Variants in TMEM273 observed in about 807,000 individuals in gnomAD.
TMEM273 encodes the protein transmembrane protein 273, also known as chromosome 10 open reading frame 128.
A neutral mutation model predicts 17.9 loss-of-function variants in TMEM273; 19 were observed. That is an observed-to-expected ratio of 1.06 (90% CI 0.74 to 1.55). The LOEUF (loss-of-function observed/expected upper bound fraction) is 1.55, where lower values mean the gene tolerates loss of function less well. TMEM273 is among the 40% of genes most tolerant of loss of function. TMEM273 has a pLI of 0.00. For synonymous variants in TMEM273, 66 were observed against 62.0 expected (o/e 1.07, Z -0.31); for missense variants, 194 against 155.6 (o/e 1.25, Z -1.31).
intron 6 of TMEM273, chr10:49,161,227 A>G (rs1684146209): frequency 3.8e-6 from 1 of 264,302 alleles, no homozygotes; most frequent in African/African-American, 2.2e-5. Context: ...TAGCATGATG[A>G]CATGAAGAGA....
intron 1 of TMEM273, among the ~76,000 whole-genome samples, chr10:49,181,160 C>A (rs1847317533): frequency 1.3e-5 from 2 of 152,152 alleles, no homozygotes; most frequent in South Asian, 4.1e-4. Context: ...TACGATCACT[C>A]ATAAATTATG....
Position 49,168,230 on chromosome 10 carries a change from A to G in TMEM273, c.44-268T>C, listed in dbSNP as rs140720127. ...CTGAACTCTGACCCAAGCCTGCTCC[A>G]CAAGCTCCCCTGTGGCTCCCAAGGC... On this transcript the variant is annotated intron_variant, in intron 1 of 6. Coordinates refer to ENST00000374153, the MANE Select transcript of TMEM273 (RefSeq NM_001288740.3). Among the ~76,000 whole-genome samples the G allele has an allele frequency of 1.8e-3, 269 of 152,260 alleles. 1 individual carries two copies. Among genetic ancestry groups the G allele is most frequent in the African/African-American group, 5.7e-3 (236 of 41,550 alleles).
chr10:49,166,547 A>G (rs1359529557), intron 3 of TMEM273: 6 of 333,850 alleles, frequency 1.8e-5, no homozygotes, highest in Non-Finnish European at 2.9e-5. Context: ...ACCTTTCTCC[A>G]GGAAATGTGA....
In TMEM273 at chr10:49,177,540, C is replaced by A. The variant is rs542623576; in HGVS notation, c.44-9578G>T. Among the ~76,000 whole-genome samples the A allele has an allele frequency of 2.0e-5, 3 of 152,332 alleles. No individual in the cohort carries two copies. In the South Asian group the frequency reaches 6.2e-4, roughly 32 times the overall value. On this transcript the variant is annotated intron_variant, in intron 1 of 6. Coordinates refer to ENST00000374153, the MANE Select transcript of TMEM273 (RefSeq NM_001288740.3). ...CAAGGGCCTCTCTTGGGGACAGTGG[C>A]CTCTTTTCATGGGAAAGCCCCAGGA...
rs774096279 is a variant in TMEM273 at position 49,167,981 on chromosome 10, C to A, written c.44-19G>T. 56 of 1,613,826 alleles carry A rather than the reference C, an allele frequency of 3.5e-5. No individual in the cohort carries two copies. In the South Asian group the frequency reaches 5.1e-4, roughly 15 times the overall value. ...CCTACATCTGCAAAGAAAGAAACCC[C>A]AGAGCCTGGTTAGAACAGAGCTGGC... On this transcript the variant is annotated intron_variant, in intron 1 of 6. Coordinates refer to ENST00000374153, the MANE Select transcript of TMEM273 (RefSeq NM_001288740.3).
At chr10:49,171,890 C>G (rs1221994833) in intron 1 of TMEM273, among the ~76,000 whole-genome samples, 1 of 152,234 alleles carries the variant, frequency 6.6e-6, no homozygotes, top group Admixed American at 6.5e-5. Context: ...AGCTGTCCAC[C>G]TGTTGGGTCC....
At chr10:49,169,003 G>A (rs912907519) in intron 1 of TMEM273, among the ~76,000 whole-genome samples, 1 of 110,760 alleles carries the variant, frequency 9.0e-6, no homozygotes, top group African/African-American at 2.8e-5. Context: ...ATGAGGAACG[G>A]GAGGCATTGT....
At position 49,155,722 on chromosome 10, in the gene TMEM273, A is replaced by T. The variant is rs1590168537; in HGVS notation, c.*170T>A. On this transcript the variant is annotated 3_prime_UTR_variant, in exon 7 of 7. Transcript: ENST00000374153. ...AAGAGGCATGATATTTTCCTTCAGG[A>T]CAGAGGCACTGTATATTCTATTCCT... 7 of 889,106 alleles carry T rather than the reference A, an allele frequency of 7.9e-6. No homozygotes were observed. The East Asian group carries it at 1.6e-4, about 20-fold the overall frequency. The allele number at this position is 889,106 out of a possible 1,614,324, so 55.1% of individuals were successfully genotyped here. A position where few individuals can be genotyped will look rare whatever the true frequency, so the allele number is the denominator to read the frequency against.
chr10:49,183,010 G>A (rs895917449), intron 1 of TMEM273, among the ~76,000 whole-genome samples: 15 of 152,038 alleles, frequency 9.9e-5, no homozygotes, highest in African/African-American at 2.9e-4. Flanking sequence ...AAAGCTGTGC[G>A]CTTCAAAAAT....
intron 1 of TMEM273, among the ~76,000 whole-genome samples, chr10:49,183,644 T>G (rs1451977328): frequency 6.6e-6 from 1 of 152,180 alleles, no homozygotes; most frequent in African/African-American, 2.4e-5. Context: ...TCAGTTTGAA[T>G]CCCAACTGGG....
intron 1 of TMEM273, among the ~76,000 whole-genome samples, chr10:49,179,839 G>A (rs1255238868): frequency 6.6e-6 from 1 of 152,208 alleles, no homozygotes; most frequent in African/African-American, 2.4e-5. Context: ...GAAAGGTGCA[G>A]CCTAGGAAGA....
At position 49,186,102 on chromosome 10, in the gene TMEM273, GAAGAAGAGGAAGAAGAAGAAA is replaced by G. The variant is rs1460181025; in HGVS notation, c.43+2171_43+2191del. 7.7e-3 allele frequency among the ~76,000 whole-genome samples: 1,072 copies of G among 139,450 alleles called. 17 individuals are homozygous for G. The highest frequency in any genetic ancestry group is 0.027 in the African/African-American group (996 of 36,320). 91.5% of individuals were successfully genotyped at this position (139,450 alleles called of 152,430 possible). ...AGAAGAAGAAGAAGAAGAAGAAGAA[GAAGAAGAGGAAGAAGAAGAAA>G]AAGAGGAAGAAGAAGGAGACTAAAC... On this transcript the variant is annotated intron_variant, in intron 1 of 6. Transcript: ENST00000374153.
At chr10:49,165,381 A>AC in intron 4 of TMEM273, 98 bp from the exon 5 acceptor site, 1 of 1,537,312 alleles carries the variant, frequency 6.5e-7, no homozygotes, top group Non-Finnish European at 8.8e-7. Context: ...AGAGCAGGGT[A>AC]CCTTGATGCC....
chr10:49,180,149 T>G (rs1847252590), intron 1 of TMEM273, among the ~76,000 whole-genome samples: 1 of 152,172 alleles, frequency 6.6e-6, no homozygotes, highest in Non-Finnish European at 1.5e-5. Context: ...CCTCTCACCC[T>G]TCCTGCTAGG....
chr10:49,185,048 G>A (rs1359084256), intron 1 of TMEM273, among the ~76,000 whole-genome samples: 1 of 152,124 alleles, frequency 6.6e-6, no homozygotes, highest in African/African-American at 2.4e-5. Context: ...GCCAACCCTG[G>A]GGTGCCTCTC....
intron 3 of TMEM273, chr10:49,166,459 G>C (rs1590201774): frequency 3.8e-6 from 1 of 264,006 alleles, no homozygotes; most frequent in East Asian, 1.0e-4. Context: ...CTGCCTACTG[G>C]GACTGGGTTT....
In TMEM273 at chr10:49,165,753, G is replaced by T; in HGVS notation, c.269+13C>A. The T allele has an allele frequency of 6.2e-7, 1 of 1,614,162 alleles. No homozygotes were observed. The highest frequency in any genetic ancestry group is 8.5e-7 in the Non-Finnish European group (1 of 1,179,986). Reference sequence around the variant, plus strand: ...ACGATACCTCTCCCTGACTGTGTGGGCAGTGACCTTACCTTGGGGCTCTCT... The same window carrying T: ...ACGATACCTCTCCCTGACTGTGTGGTCAGTGACCTTACCTTGGGGCTCTCT... On this transcript the variant is annotated intron_variant, in intron 4 of 6. Transcript: ENST00000374153.
At chr10:49,156,765 A>G (rs1036214888) in intron 6 of TMEM273, among the ~76,000 whole-genome samples, 1 of 152,212 alleles carries the variant, frequency 6.6e-6, no homozygotes, top group Non-Finnish European at 1.5e-5. Flanking sequence ...CAGACAGCAC[A>G]TATTTGACTA....
intron 2 of TMEM273, 144 bp from the exon 3 acceptor site, chr10:49,167,153 G>T: frequency 8.6e-7 from 1 of 1,161,996 alleles, no homozygotes; most frequent in Non-Finnish European, 1.2e-6. Context: ...ACTCTCCCAT[G>T]AGTCCCTTTG....
Sources: gnomAD v4.1 joint callset for allele counts (sites outside exome capture counted in the v4.1 genomes callset) on GRCh38, gnomAD v4.1.1 for gene constraint, MANE v1.5 for transcripts, NCBI Gene and HGNC (gene_info 2026-07-23, HGNC 2026-07-21) for gene names.